The following ASB3 variants were observed in gnomAD, a reference collection of about 807,000 sequenced individuals.
ASB3 encodes the protein ankyrin repeat and SOCS box protein 3.
A neutral mutation model predicts 54.5 loss-of-function variants in ASB3; 41 were observed. That is an observed-to-expected ratio of 0.75 (90% CI 0.59 to 0.98). The LOEUF is 0.98. Among genes scored for constraint, ASB3 ranks in the 50% least tolerant of loss-of-function variants. ASB3 has a pLI of 0.00. For synonymous variants in ASB3, 266 were observed against 221.2 expected (o/e 1.20, Z -1.80); for missense variants, 733 against 620.0 (o/e 1.18, Z -1.94).
intron 2 of ASB3, among the ~76,000 whole-genome samples, chr2:53,764,708 T>C (rs1312593600): frequency 6.6e-6 from 1 of 152,224 alleles, no homozygotes; most frequent in Non-Finnish European, 1.5e-5. Flanking sequence ...GTTTCTGTGG[T>C]GTAAATACTC....
chr2:53,714,698 T>C (rs1670290330), intron 6 of ASB3, 117 bp from the exon 7 acceptor site: 1 of 1,045,962 alleles, frequency 9.6e-7, no homozygotes, highest in Admixed American at 2.6e-5. Context: ...AAGAAATATT[T>C]CTGTCTAGGG....
In ASB3 at chr2:53,670,389, A is replaced by G; in HGVS notation, c.*114T>C. On this transcript the variant is annotated 3_prime_UTR_variant, in exon 10 of 10. Coordinates refer to ENST00000263634, the MANE Select transcript of ASB3 (RefSeq NM_016115.5). ...GGCCCCCCAAAACCTAACCTATCTCACAATCAATAATCATCTTTTGACTAT... is the reference window on the plus strand; with the variant it reads ...GGCCCCCCAAAACCTAACCTATCTCGCAATCAATAATCATCTTTTGACTAT... The G allele has an allele frequency of 2.4e-6, 3 of 1,254,016 alleles. No individual in the cohort carries two copies. In the South Asian group the frequency reaches 5.3e-5, roughly 22 times the overall value. The allele number at this position is 1,254,016 out of a possible 1,614,324, so 77.7% of individuals were successfully genotyped here. A position where few individuals can be genotyped will look rare whatever the true frequency, so the allele number is the denominator to read the frequency against.
intron 3 of ASB3, chr2:53,748,313 A>T (rs1672336562): frequency 6.6e-6 from 1 of 152,342 alleles, no homozygotes; most frequent in Middle Eastern, 3.4e-3. Context: ...CGATTTCTTG[A>T]GGAAAGCGGC....
rs556711280 is a variant in ASB3, at chr2:53,701,245, C to T, written c.981-717G>A. Among the ~76,000 whole-genome samples, 167 of 152,108 alleles carry T rather than the reference C, an allele frequency of 1.1e-3. 2 individuals carry two copies. The highest frequency in any genetic ancestry group is 3.9e-3 in the African/African-American group (160 of 41,504). On this transcript the variant is annotated intron_variant, in intron 7 of 9. Transcript: ENST00000263634. Reference sequence around the variant, plus strand: ...CCGCTTTGGTCTCCCAAAAGGTATGCCACCGTGACTGGCCTTACATTTATA... The same window carrying T: ...CCGCTTTGGTCTCCCAAAAGGTATGTCACCGTGACTGGCCTTACATTTATA...
Position 53,700,272 on chromosome 2 carries a change from A to T in ASB3, c.1237T>A (p.Trp413Arg). The T allele has an allele frequency of 6.2e-7, 1 of 1,609,832 alleles. No homozygotes were observed. Among genetic ancestry groups the T allele is most frequent in the Non-Finnish European group, 8.5e-7 (1 of 1,177,902 alleles). ...FDPLILLCNS[W>R]IDSVSIDTLI... Reference sequence around the variant, plus strand: ...CCCGACTATGGTAGAATTTCTTACCAAGAATTGCACAGTAGAATCAGTGGG... The same window carrying T: ...CCCGACTATGGTAGAATTTCTTACCTAGAATTGCACAGTAGAATCAGTGGG... The change falls in exon 8 of 10, where the codon TGG becomes AGG. Residue 413 changes from tryptophan to arginine, a missense_variant and splice_region_variant. Coordinates refer to ENST00000263634, the MANE Select transcript of ASB3 (RefSeq NM_016115.5).
intron 1 of ASB3, among the ~76,000 whole-genome samples, chr2:53,773,589 CCTGA>C (rs1043017568): frequency 2.6e-5 from 4 of 151,998 alleles, no homozygotes; most frequent in Non-Finnish European, 2.9e-5. Context: ...TGCCACTGTG[CCTGA>C]CTAATTTTTG....
intron 3 of ASB3, among the ~76,000 whole-genome samples, chr2:53,750,480 G>A (rs1672455706): frequency 6.6e-6 from 1 of 152,074 alleles, no homozygotes. Context: ...TGCAACTACT[G>A]CTACAATTTA....
At chr2:53,681,423 G>A (rs1222749640) in intron 9 of ASB3, among the ~76,000 whole-genome samples, 1 of 152,154 alleles carries the variant, frequency 6.6e-6, no homozygotes, top group Non-Finnish European at 1.5e-5. Context: ...TGCTTGTGGG[G>A]TATTTCTCAA....
chr2:53,688,005 G>C (rs1204589588), intron 9 of ASB3, among the ~76,000 whole-genome samples: 1 of 152,056 alleles, frequency 6.6e-6, no homozygotes, highest in Non-Finnish European at 1.5e-5. Flanking sequence ...TTATTTTGTA[G>C]AGATGGGGTC....
At chr2:53,678,869 T>TG (rs1208447772) in intron 9 of ASB3, among the ~76,000 whole-genome samples, 2 of 152,324 alleles carry the variant, frequency 1.3e-5, no homozygotes, top group African/African-American at 4.8e-5. Context: ...TTGCAAGGTC[T>TG]GGGGGGCAAT....
In ASB3 at chr2:53,714,493, C is replaced by A. The variant is rs1324540725; in HGVS notation, c.871G>T (p.Gly291Ter). 6 of 1,614,214 alleles carry A rather than the reference C, an allele frequency of 3.7e-6. No individual in the cohort carries two copies. The highest frequency in any genetic ancestry group is 3.3e-5 in the Admixed American group (2 of 60,024). Residue 291 changes from glycine to a stop codon, truncating the protein, a stop_gained, in exon 7 of 10, where the codon GGA becomes TGA. Coordinates refer to ENST00000263634, the MANE Select transcript of ASB3 (RefSeq NM_016115.5). LOFTEE classifies it high-confidence loss of function. ...VSPVYSAVFG[G>*]HEDCLEILLR... ...AATATTTCTAGGCAATCTTCATGTC[C>A]CCCAAACACTGCTGAGTAAACAGGG... is the stretch of plus-strand genomic sequence containing the variant.
At chr2:53,735,617 G>C (rs1044207564) in intron 3 of ASB3, among the ~76,000 whole-genome samples, 1 of 151,788 alleles carries the variant, frequency 6.6e-6, no homozygotes, top group South Asian at 2.1e-4. Context: ...AGGTGCTACA[G>C]GTATTGTCTT....
rs976094641 is a variant in ASB3 at position 53,693,795 on chromosome 2, A to G, written c.1369+89T>C. ...AATTATGTCTAATTTGTGTTCACCG[A>G]TGAATCTTATCACTTAAAATTACAA... On this transcript the variant is annotated intron_variant, in intron 9 of 9. Coordinates refer to ENST00000263634, the MANE Select transcript of ASB3 (RefSeq NM_016115.5). 6.0e-6 allele frequency: 9 copies of G among 1,512,222 alleles called. No homozygotes were observed. In the Admixed American group the frequency reaches 1.3e-4, roughly 21 times the overall value. 93.7% of individuals were successfully genotyped at this position (1,512,222 alleles called of 1,614,324 possible).
chr2:53,677,672 GA>G (rs1224987061), intron 9 of ASB3, among the ~76,000 whole-genome samples: 1 of 151,992 alleles, frequency 6.6e-6, no homozygotes, highest in African/African-American at 2.4e-5. Context: ...TATTGAATAA[GA>G]AAACTCAAAA....
chr2:53,696,411 T>C (rs867589273), intron 8 of ASB3, among the ~76,000 whole-genome samples: 9 of 152,034 alleles, frequency 5.9e-5, no homozygotes, highest in South Asian at 4.1e-4. Context: ...GTATCAGAAT[T>C]GGGAAAGGGG....
rs752594117 is a variant in ASB3, at chr2:53,670,674, C to G, written c.1386G>C (p.Leu462=). The part of the protein sequence containing the change: ...LQQHIATVPS[L]THLCRLEIRS... ...GAATTTCCAAACGACAAAGATGGGT[C>G]AGGGATGGAACAGTGGCTGGAGAAA... is the stretch of plus-strand genomic sequence containing the variant. Residue 462 remains leucine (L), a synonymous_variant, in exon 10 of 10, where the codon CTG becomes CTC. Coordinates refer to ENST00000263634, the MANE Select transcript of ASB3 (RefSeq NM_016115.5). The G allele has an allele frequency of 6.2e-7, 1 of 1,613,404 alleles. No homozygotes were observed. Among genetic ancestry groups the G allele is most frequent in the South Asian group, 1.1e-5 (1 of 91,008 alleles).
intron 9 of ASB3, among the ~76,000 whole-genome samples, chr2:53,680,087 T>C (rs544916462): frequency 6.6e-6 from 1 of 152,340 alleles, no homozygotes; most frequent in East Asian, 1.9e-4. Flanking sequence ...TCTTTTTTTA[T>C]GGCTGCATTC....
chr2:53,776,435 A>G (rs1035779649), intron 1 of ASB3, among the ~76,000 whole-genome samples: 1 of 152,200 alleles, frequency 6.6e-6, no homozygotes, highest in African/African-American at 2.4e-5. Context: ...TGTTATGCCT[A>G]TCTTTTTTCA....
At chr2:53,675,330 T>C (rs1286256608) in intron 9 of ASB3, among the ~76,000 whole-genome samples, 2 of 152,208 alleles carry the variant, frequency 1.3e-5, no homozygotes, top group East Asian at 3.8e-4. Context: ...CCAAACATTA[T>C]TTGTACTATA....
Sources: gnomAD v4.1 joint callset for allele counts (sites outside exome capture counted in the v4.1 genomes callset) on GRCh38, gnomAD v4.1.1 for gene constraint, MANE v1.5 for transcripts, NCBI Gene and HGNC (gene_info 2026-07-23, HGNC 2026-07-21) for gene names.